Variants in RANBP9 observed in about 807,000 individuals in gnomAD.
RANBP9 encodes the protein ran-binding protein 9.
In RANBP9, 15 loss-of-function variants were observed where a neutral mutation model predicts 84.3. The ratio of observed to expected loss-of-function variants is 0.18; its 90% CI spans 0.12 to 0.27. The LOEUF is 0.27. Ranked by LOEUF, RANBP9 falls within the 10% of genes least tolerant of loss-of-function variation. The pLI is 1.00. For missense variants in RANBP9, 809 were observed against 912.8 expected (o/e 0.89, Z 1.46); for synonymous variants, 392 against 349.6 (o/e 1.12, Z -1.35).
At chr6:13,634,580 T>C in intron 10 of RANBP9, 28 bp from the exon 11 acceptor site, 2 of 1,576,864 alleles carry the variant, frequency 1.3e-6, no homozygotes, top group Non-Finnish European at 1.7e-6. Context: ...AACCTAATTT[T>C]AGAAATATCA....
chr6:13,705,291 C>G (rs6933656), intron 1 of RANBP9, among the ~76,000 whole-genome samples: 98 of 149,750 alleles, frequency 6.5e-4, no homozygotes, highest in African/African-American at 2.3e-3. Flanking sequence ...GTAATCCCGG[C>G]TACTTGGGAG....
chr6:13,652,139 T>C (rs1264165776), intron 5 of RANBP9, among the ~76,000 whole-genome samples: 1 of 152,196 alleles, frequency 6.6e-6, no homozygotes, highest in African/African-American at 2.4e-5. Flanking sequence ...CTCTGTTTTT[T>C]CCCTTTCTTT....
intron 12 of RANBP9, among the ~76,000 whole-genome samples, chr6:13,628,125 A>G (rs7742342): frequency 0.78 from 119,169 of 152,052 alleles, 46,911 homozygotes; most frequent in South Asian, 0.84. Flanking sequence ...AATCATCTAA[A>G]GTTGTTATCA....
At chr6:13,635,483 T>A (rs1315596454) in intron 10 of RANBP9, among the ~76,000 whole-genome samples, 1 of 150,926 alleles carries the variant, frequency 6.6e-6, no homozygotes, top group Non-Finnish European at 1.5e-5. Flanking sequence ...ACAAAAGCAA[T>A]ATATATTCAA....
chr6:13,658,513 G>C (rs1164648117), intron 3 of RANBP9, among the ~76,000 whole-genome samples: 1 of 152,086 alleles, frequency 6.6e-6, no homozygotes, highest in Non-Finnish European at 1.5e-5. Flanking sequence ...GGAGGCTGAG[G>C]GCAGGAAAAC....
chr6:13,625,907 G>A, intron 12 of RANBP9, 143 bp from the exon 13 acceptor site: 1 of 552,220 alleles, frequency 1.8e-6, no homozygotes, highest in African/African-American at 1.9e-5. Flanking sequence ...CCAGCACTGG[G>A]ACGCTCTACA....
At chr6:13,627,857 G>A (rs760730201) in intron 12 of RANBP9, among the ~76,000 whole-genome samples, 1 of 151,886 alleles carries the variant, frequency 6.6e-6, no homozygotes, top group Non-Finnish European at 1.5e-5. Context: ...AATGTGAAAT[G>A]TCGCACTCCC....
intron 9 of RANBP9, among the ~76,000 whole-genome samples, chr6:13,638,570 C>T (rs1764992128): frequency 6.6e-6 from 1 of 152,114 alleles, no homozygotes; most frequent in South Asian, 2.1e-4. Flanking sequence ...GTAGCTCACA[C>T]CTGTAAGCCC....
rs148820800 is a variant in RANBP9, at chr6:13,625,699, C to T, written c.2013G>A (p.Pro671=). ...WNSPVGNQLD[P]IQREPVCSAL... ...CTGAGCACACAGGTTCTCTCTGAAT[C>T]GGGTCAAGCTGATTTCCAACTGGGC... Residue 671 remains proline, a synonymous_variant, in exon 13 of 14, where the codon CCG becomes CCA. Coordinates refer to ENST00000011619, the MANE Select transcript of RANBP9 (RefSeq NM_005493.3). 12 of 1,613,230 alleles carry T rather than the reference C, an allele frequency of 7.4e-6. No individual in the cohort carries two copies. The highest frequency in any genetic ancestry group is 4.5e-5 in the East Asian group (2 of 44,868).
intron 2 of RANBP9, among the ~76,000 whole-genome samples, chr6:13,670,760 A>G (rs1482722207): frequency 6.6e-6 from 1 of 150,946 alleles, no homozygotes; most frequent in Non-Finnish European, 1.5e-5. Flanking sequence ...AGATCATACC[A>G]CTGCACTCCA....
intron 2 of RANBP9, among the ~76,000 whole-genome samples, chr6:13,686,171 C>G (rs1443335252): frequency 7.6e-6 from 1 of 130,760 alleles, no homozygotes; most frequent in Non-Finnish European, 1.6e-5. Flanking sequence ...GTGACAGAAA[C>G]ACAGTTCACT....
At chr6:13,644,457 T>A in intron 6 of RANBP9, 88 bp downstream of exon 6, 1 of 1,356,158 alleles carries the variant, frequency 7.4e-7, no homozygotes, top group African/African-American at 1.5e-5. Context: ...AATTAGTGGA[T>A]TAAAAAGCTT....
intron 2 of RANBP9, among the ~76,000 whole-genome samples, chr6:13,669,432 A>G (rs926978902): frequency 6.6e-6 from 1 of 152,226 alleles, no homozygotes; most frequent in Admixed American, 6.5e-5. Flanking sequence ...ATCTTGAAAA[A>G]GAACAAAAAA....
intron 13 of RANBP9, among the ~76,000 whole-genome samples, chr6:13,623,605 A>ATTTT (rs1436934808): frequency 6.6e-6 from 1 of 151,456 alleles, no homozygotes; most frequent in Non-Finnish European, 1.5e-5. Context: ...TACAGGGAAT[A>ATTTT]TTTTTTTAAT....
At chr6:13,649,559 A>C (rs1225962505) in intron 5 of RANBP9, among the ~76,000 whole-genome samples, 1 of 151,886 alleles carries the variant, frequency 6.6e-6, no homozygotes, top group Admixed American at 6.6e-5. Flanking sequence ...AGACCAAATC[A>C]ACCCACTAAC....
intron 1 of RANBP9, among the ~76,000 whole-genome samples, chr6:13,698,750 T>C (rs1437830565): frequency 6.6e-6 from 1 of 152,226 alleles, no homozygotes; most frequent in Non-Finnish European, 1.5e-5. Flanking sequence ...TACTATCTAT[T>C]ATCATTTCAC....
At chr6:13,659,282 A>G (rs964825801) in intron 2 of RANBP9, among the ~76,000 whole-genome samples, 1 of 151,740 alleles carries the variant, frequency 6.6e-6, no homozygotes, top group African/African-American at 2.4e-5. Context: ...ACACACACAC[A>G]CACACACACA....
chr6:13,663,000 A>C (rs1226237614), intron 2 of RANBP9, among the ~76,000 whole-genome samples: 1 of 152,164 alleles, frequency 6.6e-6, no homozygotes, highest in Non-Finnish European at 1.5e-5. Flanking sequence ...GAAAAAGAGA[A>C]TAGGACAGAA....
intron 2 of RANBP9, among the ~76,000 whole-genome samples, chr6:13,670,446 G>A (rs1227041299): frequency 2.0e-5 from 3 of 152,072 alleles, no homozygotes; most frequent in Non-Finnish European, 4.4e-5. Context: ...TCTGATAGTG[G>A]CTTAAGACAA....
Sources: allele counts gnomAD v4.1 joint callset (sites outside exome capture counted in the v4.1 genomes callset), GRCh38; gene constraint gnomAD v4.1.1; transcripts MANE v1.5; gene names NCBI Gene and HGNC (gene_info 2026-07-23, HGNC 2026-07-21).